The following APPL2 variants were observed in gnomAD, a reference collection of about 807,000 sequenced individuals.
APPL2 encodes DCC-interacting protein 13-beta.
APPL2 carries 84 observed loss-of-function variants against 92.7 expected under a neutral mutation model. That is an observed-to-expected ratio of 0.91 (90% CI 0.76 to 1.09). The LOEUF is 1.09. APPL2 is among the 50% of genes least tolerant of loss of function. The pLI is 0.00. For synonymous variants in APPL2, 291 were observed against 291.0 expected (o/e 1.00, Z 0.00); for missense variants, 736 against 824.5 (o/e 0.89, Z 1.31).
chr12:105,199,647 T>A, intron 9 of APPL2, 116 bp from the exon 10 acceptor site: 2 of 1,147,462 alleles, frequency 1.7e-6, no homozygotes, highest in Non-Finnish European at 2.4e-6. Context: ...CAGATGGAGC[T>A]GCCAGCCTCC....
At chr12:105,181,886 A>G (rs1022971078) in intron 17 of APPL2, among the ~76,000 whole-genome samples, 1 of 151,962 alleles carries the variant, frequency 6.6e-6, no homozygotes, top group Non-Finnish European at 1.5e-5. Flanking sequence ...GCAGTCTATC[A>G]ATTTTGTTAA....
In APPL2 at chr12:105,197,952, T is replaced by G. The variant is rs1277376861; in HGVS notation, c.865A>C (p.Lys289Gln). ...QKAGYLNLRN[K>Q]TGLVTTTWER... ...CAGGTGGTGGTGACCAGCCCTGTTT[T>G]GCTGTGAGTTGTGTTTTAAAAAGCC... The change falls in exon 11 of 21, where the codon AAA (lysine) becomes CAA (glutamine). Residue 289 changes from lysine to glutamine, a missense_variant and splice_region_variant. Physicochemically the swap from Lys to Gln is moderately conservative, Grantham distance 53. Transcript: ENST00000258530. 1 of 1,612,972 alleles carries G rather than the reference T, an allele frequency of 6.2e-7. No homozygotes were observed. The highest frequency in any genetic ancestry group is 1.3e-5 in the African/African-American group (1 of 74,956).
chr12:105,203,845 TGAAGGTG>T, intron 8 of APPL2, 60 bp from the exon 9 acceptor site: 1 of 1,482,736 alleles, frequency 6.7e-7, no homozygotes, highest in Non-Finnish European at 9.4e-7. Flanking sequence ...GTGAACTCAC[TGAAGGTG>T]AGACAGGCAG....
At chr12:105,214,079 G>A (rs1889442701) in intron 4 of APPL2, among the ~76,000 whole-genome samples, 2 of 152,202 alleles carry the variant, frequency 1.3e-5, no homozygotes, top group South Asian at 2.1e-4. Flanking sequence ...CAGCTGCTTG[G>A]AAAGGCTGAG....
At chr12:105,229,076 G>C (rs773483193) in intron 2 of APPL2, 49 bp downstream of exon 2, 147 of 1,483,936 alleles carry the variant, frequency 9.9e-5, no homozygotes, top group Non-Finnish European at 1.3e-4. Flanking sequence ...TCAGGATGAG[G>C]GGAGAGAATG....
chr12:105,175,542 T>C (rs758929613), intron 20 of APPL2, among the ~76,000 whole-genome samples: 11 of 152,226 alleles, frequency 7.2e-5, no homozygotes, highest in Non-Finnish European at 1.6e-4. Context: ...AGAAGCCCCC[T>C]GGGGGCAGGG....
In APPL2 at chr12:105,190,062, C is replaced by T. The variant is rs375608143; in HGVS notation, c.1335G>A (p.Ala445=). 1.5e-4 allele frequency: 248 copies of T among 1,614,084 alleles called. No individual in the cohort carries two copies. The highest frequency in any genetic ancestry group is 2.2e-4 in the South Asian group (20 of 91,080). The change falls in exon 15 of 21, where the codon GCG becomes GCA. Residue 445 remains alanine, a synonymous_variant. Transcript: ENST00000258530. ...ASLPEAEELI[A]PGTPIQFDIV... ...TATCGAATTGAATCGGCGTTCCAGG[C>T]GCGATCAGCTCCTCTGCTTCAGGTA...
At position 105,204,821 on chromosome 12, in the gene APPL2, AG is replaced by A. The variant is rs747835109; in HGVS notation, c.622-1037del. On this transcript the variant is annotated intron_variant, in intron 8 of 20. Coordinates refer to ENST00000258530, the MANE Select transcript of APPL2 (RefSeq NM_018171.5). Reference sequence around the variant, plus strand: ...AGGGGCTCACATAATCCCTAAGAAAAGTGGGCGAATGGATGAACGGAAGGCA... The same window carrying A: ...AGGGGCTCACATAATCCCTAAGAAAATGGGCGAATGGATGAACGGAAGGCA... Among the ~76,000 whole-genome samples, 6 of 152,226 alleles carry A rather than the reference AG, an allele frequency of 3.9e-5. No individual in the cohort carries two copies. The East Asian group carries it at 1.2e-3, about 29-fold the overall frequency.
In APPL2 at chr12:105,207,198, C is replaced by T. The variant is rs141732009; in HGVS notation, c.484G>A (p.Glu162Lys). The T allele has an allele frequency of 2.3e-5, 37 of 1,612,666 alleles. No homozygotes were observed. Among genetic ancestry groups the T allele is most frequent in the East Asian group, 2.2e-4 (10 of 44,884 alleles). ...KKKENEKVKT[E>K]VGKEVAAARR... is the part of the protein sequence containing the mutation. Reference sequence around the variant, plus strand: ...GCCGCGGCCACCTCTTTTCCGACTTCGGTCTTCACCTGGTTAAAAGGTGAA... The same window carrying T: ...GCCGCGGCCACCTCTTTTCCGACTTTGGTCTTCACCTGGTTAAAAGGTGAA... Residue 162 changes from glutamate (E) to lysine (K), a missense_variant, in exon 8 of 21, where the codon GAA (glutamate) becomes AAA (lysine). Coordinates refer to ENST00000258530, the MANE Select transcript of APPL2 (RefSeq NM_018171.5).
At chr12:105,233,922 C>A (rs1021316261) in intron 1 of APPL2, among the ~76,000 whole-genome samples, 4 of 152,180 alleles carry the variant, frequency 2.6e-5, no homozygotes, top group Non-Finnish European at 5.9e-5. Flanking sequence ...TTATGCTTTG[C>A]ACATAAAATG....
intron 14 of APPL2, among the ~76,000 whole-genome samples, chr12:105,193,064 C>T (rs1226080549): frequency 2.6e-5 from 4 of 152,202 alleles, no homozygotes; most frequent in Admixed American, 6.5e-5. Context: ...CTGGCAGCCA[C>T]ATCTGTCACC....
intron 10 of APPL2, 122 bp from the exon 11 acceptor site, chr12:105,198,075 T>A: frequency 1.0e-6 from 1 of 980,900 alleles, no homozygotes; most frequent in Non-Finnish European, 1.5e-6. Context: ...TTTATATCGT[T>A]AAAGCAAAAC....
chr12:105,205,814 AACAGTATGAGTTAC>A (rs1252122942), intron 8 of APPL2, among the ~76,000 whole-genome samples: 22 of 152,226 alleles, frequency 1.4e-4, no homozygotes, highest in Admixed American at 1.4e-3. Context: ...AGGGGAGGGC[AACAGTATGAGTTAC>A]TGCACACCTG....
chr12:105,174,569 T>C, intron 20 of APPL2, 121 bp from the exon 21 acceptor site: 1 of 1,053,848 alleles, frequency 9.5e-7, no homozygotes, highest in South Asian at 2.1e-5. Flanking sequence ...CTTGTGTATA[T>C]GTGCCTTCCG....
chr12:105,184,979 A>G (rs1369056252), intron 17 of APPL2, among the ~76,000 whole-genome samples: 2 of 152,212 alleles, frequency 1.3e-5, no homozygotes, highest in Non-Finnish European at 2.9e-5. Flanking sequence ...CTAGAGAGGC[A>G]GTCTGGCTAC....
intron 17 of APPL2, among the ~76,000 whole-genome samples, chr12:105,181,493 G>T (rs1209329312): frequency 6.6e-6 from 1 of 152,116 alleles, no homozygotes; most frequent in Non-Finnish European, 1.5e-5. Flanking sequence ...TTAGGGAGGA[G>T]TCCCTCTTTT....
intron 8 of APPL2, among the ~76,000 whole-genome samples, chr12:105,204,541 G>C (rs970939484): frequency 2.6e-5 from 4 of 152,064 alleles, no homozygotes; most frequent in African/African-American, 9.7e-5. Context: ...TACATGCAGG[G>C]GACTGTTCTG....
intron 2 of APPL2, 97 bp from the exon 3 acceptor site, chr12:105,217,822 G>T: frequency 1.7e-6 from 2 of 1,158,102 alleles, no homozygotes; most frequent in Non-Finnish European, 2.5e-6. Flanking sequence ...AGTAATATTG[G>T]CTGGGTCCAG....
Position 105,199,494 on chromosome 12 carries a change from G to A in APPL2, c.742C>T (p.Arg248Trp), listed in dbSNP as rs766364894. Residue 248 changes from arginine to tryptophan, a missense_variant, in exon 10 of 21, where the codon CGG becomes TGG. Physicochemically the swap from Arg to Trp is moderately radical, Grantham distance 101 (BLOSUM62 -3). Transcript: ENST00000258530. ...VELEAEAEKM[R>W]VSQQELLSVD... ...GAAAGTAATTCTTGCTGGGACACCC[G>A]CATCTTTTCCGCCTCGGCTTCCAGT... is the stretch of plus-strand genomic sequence containing the variant. 56 of 1,613,852 alleles carry A rather than the reference G, an allele frequency of 3.5e-5. 1 individual carries two copies. The highest frequency in any genetic ancestry group is 1.2e-4 in the South Asian group (11 of 91,070).
Sources: gnomAD v4.1 joint callset for allele counts (sites outside exome capture counted in the v4.1 genomes callset) on GRCh38, gnomAD v4.1.1 for gene constraint, MANE v1.5 for transcripts, NCBI Gene and HGNC (gene_info 2026-07-23, HGNC 2026-07-21) for gene names.